The following COL6A5 variants were observed in gnomAD, a reference collection of about 807,000 sequenced individuals.
COL6A5 encodes the protein collagen alpha-5(VI) chain.
COL6A5 carries 48 observed loss-of-function variants against 65.6 expected under a neutral mutation model. That is an observed-to-expected ratio of 0.73 (90% CI 0.58 to 0.93). The LOEUF is 0.93. COL6A5 is among the 40% of genes least tolerant of loss of function. The pLI is 0.00. For synonymous variants in COL6A5, 291 were observed against 322.8 expected, an observed-to-expected ratio of 0.90 and a Z score of 1.05; for missense variants, 914 against 928.3, an observed-to-expected ratio of 0.98 and a Z score of 0.20.
chr3:130,392,172 A>C (rs1936427011), intron 7 of COL6A5, among the ~76,000 whole-genome samples: 1 of 152,180 alleles, frequency 6.6e-6, no homozygotes, highest in Admixed American at 6.5e-5. Context: ...AAATGGATAG[A>C]CTTTTGCCTT....
intron 3 of COL6A5, among the ~76,000 whole-genome samples, chr3:130,442,551 G>A (rs1468066679): frequency 6.6e-6 from 1 of 152,130 alleles, no homozygotes; most frequent in Non-Finnish European, 1.5e-5. Context: ...CCAATTCGCT[G>A]CCTTCCCACA....
chr3:130,406,214 A>T, intron 16 of COL6A5, 39 bp downstream of exon 16: 1 of 1,549,090 alleles, frequency 6.5e-7, no homozygotes. Context: ...AACTGTCATG[A>T]GGTTGCTAAA....
intron 7 of COL6A5, among the ~76,000 whole-genome samples, chr3:130,476,455 A>G (rs556084077): frequency 6.6e-6 from 1 of 152,280 alleles, no homozygotes; most frequent in South Asian, 2.1e-4. Flanking sequence ...AGAACCCTGT[A>G]AATTGGTGAT....
intron 7 of COL6A5, among the ~76,000 whole-genome samples, chr3:130,479,852 A>G (rs1710192876): frequency 6.6e-6 from 1 of 152,128 alleles, no homozygotes; most frequent in Admixed American, 6.6e-5. Flanking sequence ...CTCTCAGTAA[A>G]AGAGTAACAG....
intron 1 of COL6A5, among the ~76,000 whole-genome samples, chr3:130,358,346 G>C (rs1934996881): frequency 6.6e-6 from 1 of 152,100 alleles, no homozygotes; most frequent in Non-Finnish European, 1.5e-5. Flanking sequence ...TATTTAAAAT[G>C]AGAATATACT....
intron 8 of COL6A5, among the ~76,000 whole-genome samples, chr3:130,396,535 G>A (rs1936607149): frequency 6.6e-6 from 1 of 152,218 alleles, no homozygotes; most frequent in South Asian, 2.1e-4. Flanking sequence ...TGCAGTTGCA[G>A]TTTGTTTGTC....
chr3:130,424,025 G>A (rs576937980), intron 29 of COL6A5, 125 bp downstream of exon 29: 3 of 628,076 alleles, frequency 4.8e-6, no homozygotes, highest in East Asian at 2.8e-5. Context: ...CTAGCTATAT[G>A]ACCCAGTCAC....
chr3:130,459,913 A>G (rs1709666406), intron 5 of COL6A5, among the ~76,000 whole-genome samples: 1 of 152,046 alleles, frequency 6.6e-6, no homozygotes, highest in Non-Finnish European at 1.5e-5. Context: ...ATATTATGTC[A>G]CAACATTTTC....
chr3:130,395,905 GTA>G (rs1025452098), intron 8 of COL6A5, among the ~76,000 whole-genome samples: 48 of 149,458 alleles, frequency 3.2e-4, no homozygotes, highest in African/African-American at 1.1e-3. Context: ...GTGTGTGTGT[GTA>G]TGTGTGTGTG....
intron 5 of COL6A5, among the ~76,000 whole-genome samples, chr3:130,457,864 A>G (rs1314873249): frequency 6.6e-6 from 1 of 152,108 alleles, no homozygotes; most frequent in Non-Finnish European, 1.5e-5. Flanking sequence ...ATGAGCTTTG[A>G]TAAGTTCCAG....
chr3:130,468,020 A>T (rs558072885), intron 5 of COL6A5, among the ~76,000 whole-genome samples: 20 of 152,154 alleles, frequency 1.3e-4, no homozygotes, highest in South Asian at 4.1e-4. Context: ...GAGCAGAGCT[A>T]CTTGAAGTGC....
chr3:130,473,765 A>G (rs1710018748), intron 7 of COL6A5, among the ~76,000 whole-genome samples: 1 of 152,080 alleles, frequency 6.6e-6, no homozygotes, highest in African/African-American at 2.4e-5. Context: ...GTGATCAATT[A>G]AGCAGCTGAC....
intron 20 of COL6A5, among the ~76,000 whole-genome samples, chr3:130,413,193 G>C (rs758216055): frequency 1.0e-4 from 15 of 147,440 alleles, no homozygotes; most frequent in Non-Finnish European, 7.7e-5. Context: ...CCATGGGAAG[G>C]CTCTGATTAG....
intron 1 of COL6A5, among the ~76,000 whole-genome samples, chr3:130,348,370 G>C (rs952878543): frequency 1.3e-5 from 2 of 152,140 alleles, no homozygotes; most frequent in African/African-American, 2.4e-5. Flanking sequence ...GACAACATGC[G>C]GTGTTTGGTT....
intron 26 of COL6A5, 41 bp from the exon 27 acceptor site, chr3:130,421,284 T>C (rs1386912236): frequency 1.9e-6 from 3 of 1,547,726 alleles, no homozygotes; most frequent in Non-Finnish European, 1.7e-6. Flanking sequence ...ACTGCAGAAG[T>C]GATATGTTGA....
At chr3:130,439,002 C>T (rs1481851549) in intron 1 of COL6A5, among the ~76,000 whole-genome samples, 2 of 152,052 alleles carry the variant, frequency 1.3e-5, no homozygotes. Context: ...TTGAGAGGGT[C>T]CTCTTGACAA....
chr3:130,468,516 G>A (rs1179950922), intron 5 of COL6A5, among the ~76,000 whole-genome samples: 1 of 152,050 alleles, frequency 6.6e-6, no homozygotes, highest in Non-Finnish European at 1.5e-5. Flanking sequence ...TAAAATAGCT[G>A]GAGGATAAAT....
chr3:130,400,965 T>G, intron 10 of COL6A5, 66 bp from the exon 11 acceptor site: 1 of 1,283,470 alleles, frequency 7.8e-7, no homozygotes, highest in South Asian at 1.7e-5. Context: ...AGTAGAATTA[T>G]TATGTCTTCT....
intron 1 of COL6A5, among the ~76,000 whole-genome samples, chr3:130,437,006 C>A (rs1386239505): frequency 6.6e-6 from 1 of 152,130 alleles, no homozygotes; most frequent in Non-Finnish European, 1.5e-5. Flanking sequence ...TCAAACTTAA[C>A]CACATCTAAA....
Sources: allele counts gnomAD v4.1 joint callset (sites outside exome capture counted in the v4.1 genomes callset), GRCh38; gene constraint gnomAD v4.1.1; transcripts MANE v1.5; gene names NCBI Gene and HGNC (gene_info 2026-07-23, HGNC 2026-07-21).